CRCP: variants seen among roughly 807,000 people sequenced by gnomAD.
CRCP encodes the protein CGRP receptor component, also known as DNA-directed RNA polymerase III subunit RPC9.
In CRCP, 18 loss-of-function variants were observed where a neutral mutation model predicts 18.5. The observed-to-expected ratio is 0.97, with a 90% confidence interval of 0.67 to 1.44. The LOEUF (loss-of-function observed/expected upper bound fraction) is 1.44, where lower values mean the gene tolerates loss of function less well. CRCP is among the 40% of genes most tolerant of loss of function. CRCP has a pLI of 0.00. For missense variants in CRCP, 130 were observed against 176.4 expected (o/e 0.74, Z 1.49); for synonymous variants, 53 against 62.9 (o/e 0.84, Z 0.75).
chr7:66,146,405 G>A (rs998041677), intron 5 of CRCP, among the ~76,000 whole-genome samples: 3 of 151,580 alleles, frequency 2.0e-5, no homozygotes, highest in Non-Finnish European at 4.4e-5. Context: ...AGAGAGCATC[G>A]GTACCTGACA....
chr7:66,132,766 C>T (rs939496272), intron 3 of CRCP, among the ~76,000 whole-genome samples: 12 of 152,040 alleles, frequency 7.9e-5, no homozygotes, highest in Non-Finnish European at 1.2e-4. Flanking sequence ...AAAAATTAGC[C>T]GGGCGTAGTG....
At chr7:66,129,962 G>A (rs1313855538) in intron 2 of CRCP, among the ~76,000 whole-genome samples, 1 of 152,004 alleles carries the variant, frequency 6.6e-6, no homozygotes, top group East Asian at 1.9e-4. Flanking sequence ...TTGTGGGAAA[G>A]TTTGCTTCTA....
At chr7:66,121,187 G>C (rs1413385354) in intron 1 of CRCP, among the ~76,000 whole-genome samples, 1 of 151,604 alleles carries the variant, frequency 6.6e-6, no homozygotes, top group Non-Finnish European at 1.5e-5. Flanking sequence ...CAGTCCTCCT[G>C]CCTGAGCCTA....
In CRCP at chr7:66,145,483, G is replaced by T; in HGVS notation, c.280G>T (p.Ala94Ser). The change falls in exon 5 of 6, where the codon GCT (alanine) becomes TCT (serine). Residue 94 changes from alanine (A) to serine (S), a missense_variant. By Grantham distance (99) the Ala-to-Ser change is moderately conservative. Transcript: ENST00000395326. ...GCTGCTGAACCACCGGCCTGTGACT[G>T]CTGTGGAGATCCAGCTGGTGAGTGA... ...LQLLNHRPVT[A>S]VEIQLMVEES... is the part of the protein sequence containing the mutation. The T allele has an allele frequency of 6.2e-7, 1 of 1,614,010 alleles. No individual in the cohort carries two copies.
chr7:66,119,306 C>A (rs565402816), intron 1 of CRCP, among the ~76,000 whole-genome samples: 96 of 152,166 alleles, frequency 6.3e-4, no homozygotes, highest in Non-Finnish European at 1.2e-3. Context: ...GCTCTGCGCC[C>A]CCTCTCTATC....
At chr7:66,121,538 C>T (rs1051827325) in intron 1 of CRCP, among the ~76,000 whole-genome samples, 2 of 151,692 alleles carry the variant, frequency 1.3e-5, no homozygotes, top group Non-Finnish European at 2.9e-5. Context: ...CAGCTCACTG[C>T]AATCTCCACT....
At chr7:66,130,680 C>T (rs373009540) in intron 2 of CRCP, 64 bp from the exon 3 acceptor site, 13 of 948,682 alleles carry the variant, frequency 1.4e-5, no homozygotes, top group South Asian at 6.0e-5. Flanking sequence ...TTCAAAACCA[C>T]TGACCTTGGA....
chr7:66,128,809 C>A (rs1434815969), intron 2 of CRCP: 1 of 152,158 alleles, frequency 6.6e-6, no homozygotes, highest in Non-Finnish European at 1.5e-5. Flanking sequence ...GCAAAACCAT[C>A]TGATAGGCTC....
intron 1 of CRCP, among the ~76,000 whole-genome samples, chr7:66,121,547 C>T (rs911553820): frequency 6.6e-6 from 1 of 151,800 alleles, no homozygotes; most frequent in South Asian, 2.1e-4. Context: ...GCAATCTCCA[C>T]TTCCTGGATT....
rs972324697 is a variant in CRCP at position 66,152,319 on chromosome 7, A to G, written c.409A>G (p.Asn137Asp). The G allele has an allele frequency of 1.9e-6, 3 of 1,614,044 alleles. No homozygotes were observed. Among genetic ancestry groups the G allele is most frequent in the African/African-American group, 1.3e-5 (1 of 74,936 alleles). ...AGAGGCTGAGCAGAAGAAGAATACA[A>G]ACAGCAATGTGGCAATGGACGAAGA... ...EPEAEQKKNTNSNVAMDEEDP... is the reference protein window; with the variant it reads ...EPEAEQKKNTDSNVAMDEEDP... Residue 137 changes from asparagine (N) to aspartate (D), a missense_variant, in exon 6 of 6, where the codon AAC (asparagine) becomes GAC (aspartate). Physicochemically the swap from Asn to Asp is conservative, Grantham distance 23. Transcript: ENST00000395326.
intron 1 of CRCP, among the ~76,000 whole-genome samples, chr7:66,124,308 C>G (rs925163318): frequency 6.6e-6 from 1 of 151,316 alleles, no homozygotes; most frequent in Admixed American, 6.6e-5. Context: ...TGCAGCGAGC[C>G]GAGATCGCAC....
At chr7:66,123,861 G>A (rs1267106987) in intron 1 of CRCP, among the ~76,000 whole-genome samples, 1 of 149,896 alleles carries the variant, frequency 6.7e-6, no homozygotes, top group Non-Finnish European at 1.5e-5. Context: ...GACCATCCTG[G>A]CTAACATGGT....
intron 1 of CRCP, among the ~76,000 whole-genome samples, 158 bp from the exon 2 acceptor site, chr7:66,127,546 C>T (rs1290363933): frequency 6.6e-5 from 10 of 152,176 alleles, no homozygotes; most frequent in Admixed American, 6.5e-4. Context: ...CTAGCTAAAC[C>T]ATGTTGGACT....
chr7:66,152,273 C>T lies in CRCP; in HGVS notation c.363C>T (p.Thr121=). 1 of 1,614,114 alleles carries T rather than the reference C, an allele frequency of 6.2e-7. No homozygotes were observed. Among genetic ancestry groups the T allele is most frequent in the Non-Finnish European group, 8.5e-7 (1 of 1,180,020 alleles). ...TTGAAGCTCTTCTCCACACCGTCAC[C>T]AGCATTCTGCCTGCAGAGCCAGAGG... The part of the protein sequence containing the change: ...EQIEALLHTV[T]SILPAEPEAE... The change falls in exon 6 of 6, where the codon ACC becomes ACT. Residue 121 remains threonine, a synonymous_variant. Transcript: ENST00000395326.
At chr7:66,126,183 G>C (rs999005007) in intron 1 of CRCP, among the ~76,000 whole-genome samples, 1 of 149,236 alleles carries the variant, frequency 6.7e-6, no homozygotes, top group Non-Finnish European at 1.5e-5. Flanking sequence ...TTATAGTGCT[G>C]ACATCACTGT....
At chr7:66,143,233 T>TA (rs1250256436) in intron 4 of CRCP, among the ~76,000 whole-genome samples, 1 of 152,192 alleles carries the variant, frequency 6.6e-6, no homozygotes, top group Admixed American at 6.5e-5. Flanking sequence ...CAGGGGGTGT[T>TA]ACAATGCATT....
intron 5 of CRCP, among the ~76,000 whole-genome samples, chr7:66,149,887 A>G (rs552911105): frequency 1.1e-3 from 160 of 151,470 alleles, no homozygotes; most frequent in African/African-American, 3.6e-3. Flanking sequence ...GCTTACTACA[A>G]CCTCTGCCTC....
At chr7:66,145,024 C>T (rs1584096242) in intron 4 of CRCP, among the ~76,000 whole-genome samples, 2 of 151,956 alleles carry the variant, frequency 1.3e-5, no homozygotes, top group African/African-American at 2.4e-5. Flanking sequence ...GGTGTGGTTG[C>T]GAGCATCTGT....
At chr7:66,143,285 C>T (rs1788192923) in intron 4 of CRCP, among the ~76,000 whole-genome samples, 1 of 152,230 alleles carries the variant, frequency 6.6e-6, no homozygotes, top group Admixed American at 6.5e-5. Flanking sequence ...TCCCAAATCG[C>T]TGCCAGCACC....
Sources: allele counts gnomAD v4.1 joint callset (sites outside exome capture counted in the v4.1 genomes callset), GRCh38; gene constraint gnomAD v4.1.1; transcripts MANE v1.5; gene names NCBI Gene and HGNC (gene_info 2026-07-23, HGNC 2026-07-21).